Variants in GPC5 observed in about 807,000 individuals in gnomAD.
The protein encoded by GPC5 is glypican 5.
A neutral mutation model predicts 53.9 loss-of-function variants in GPC5; 47 were observed. The ratio of observed to expected loss-of-function variants is 0.87; its 90% CI spans 0.69 to 1.11. The LOEUF (loss-of-function observed/expected upper bound fraction) is 1.11, where lower values mean the gene tolerates loss of function less well. Ranked by LOEUF, GPC5 falls within the 50% of genes most tolerant of loss-of-function variation. GPC5 has a pLI of 0.00. For missense variants in GPC5, 748 were observed against 713.1 expected, an observed-to-expected ratio of 1.05 and a Z score of -0.56; for synonymous variants, 286 against 263.3, an observed-to-expected ratio of 1.09 and a Z score of -0.84.
At chr13:92,344,429 C>G (rs1205218293) in intron 7 of GPC5, among the ~76,000 whole-genome samples, 1 of 152,084 alleles carries the variant, frequency 6.6e-6, no homozygotes, top group East Asian at 1.9e-4. Flanking sequence ...ACCATATCAT[C>G]ATCTATCACT....
At chr13:92,761,051 G>T (rs1173369505) in intron 7 of GPC5, among the ~76,000 whole-genome samples, 1 of 152,034 alleles carries the variant, frequency 6.6e-6, no homozygotes, top group Non-Finnish European at 1.5e-5. Flanking sequence ...ATTATATAAG[G>T]GTTGTTTTGC....
intron 7 of GPC5, among the ~76,000 whole-genome samples, chr13:92,751,499 C>T (rs1325644796): frequency 1.3e-5 from 2 of 150,414 alleles, no homozygotes; most frequent in Non-Finnish European, 2.9e-5. Flanking sequence ...AGTTCATTAG[C>T]AGCAGCTGCA....
chr13:92,525,501 A>C (rs9584035), intron 7 of GPC5, among the ~76,000 whole-genome samples: 11,080 of 149,428 alleles, frequency 0.074, 1,246 homozygotes, highest in African/African-American at 0.24. Context: ...AAAAGCTTAG[A>C]AGATACTTTG....
intron 2 of GPC5, among the ~76,000 whole-genome samples, chr13:91,637,808 T>G (rs2034321119): frequency 6.6e-6 from 1 of 152,184 alleles, no homozygotes; most frequent in African/African-American, 2.4e-5. Flanking sequence ...GATGCCTAAA[T>G]TGGATTTTGT....
At position 91,912,427 on chromosome 13, in the gene GPC5, G is replaced by A. The variant is rs190661118; in HGVS notation, c.1401+4370G>A. Among the ~76,000 whole-genome samples, 604 of 152,018 alleles carry A rather than the reference G, an allele frequency of 4.0e-3. 7 individuals are homozygous for A. The highest frequency in any genetic ancestry group is 0.014 in the African/African-American group (583 of 41,486). On this transcript the variant is annotated intron_variant, in intron 6 of 7. Coordinates refer to ENST00000377067, the MANE Select transcript of GPC5 (RefSeq NM_004466.6). ...TTTTATTATTCTAGGAAATCTGATGGAAAAAGTGAAAAATAAATATTGATA... is the reference window on the plus strand; with the variant it reads ...TTTTATTATTCTAGGAAATCTGATGAAAAAAGTGAAAAATAAATATTGATA...
intron 7 of GPC5, among the ~76,000 whole-genome samples, chr13:92,739,143 T>C (rs936496568): frequency 7.2e-5 from 11 of 152,220 alleles, no homozygotes; most frequent in African/African-American, 2.4e-4. Flanking sequence ...TACAATGTCT[T>C]TCTTATTTAT....
intron 7 of GPC5, among the ~76,000 whole-genome samples, chr13:92,436,139 T>C (rs1297591162): frequency 6.6e-6 from 1 of 152,150 alleles, no homozygotes; most frequent in East Asian, 1.9e-4. Flanking sequence ...CATCCATTAA[T>C]GTTGATGGAA....
chr13:92,737,158 T>G (rs1349054194), intron 7 of GPC5, among the ~76,000 whole-genome samples: 1 of 152,076 alleles, frequency 6.6e-6, no homozygotes, highest in African/African-American at 2.4e-5. Context: ...TTACTGACAA[T>G]GTACAGACAG....
At chr13:92,437,263 A>C (rs1410834453) in intron 7 of GPC5, among the ~76,000 whole-genome samples, 2 of 152,186 alleles carry the variant, frequency 1.3e-5, no homozygotes, top group African/African-American at 4.8e-5. Context: ...ACTGAGTGAC[A>C]GATCTATCAT....
At chr13:92,728,465 T>C (rs2139296036) in intron 7 of GPC5, among the ~76,000 whole-genome samples, 1 of 151,544 alleles carries the variant, frequency 6.6e-6, no homozygotes, top group Non-Finnish European at 1.5e-5. Context: ...TTCAGAAGAA[T>C]AGATTTAAGC....
At chr13:92,120,119 A>T (rs1223534689) in intron 6 of GPC5, among the ~76,000 whole-genome samples, 4 of 152,218 alleles carry the variant, frequency 2.6e-5, no homozygotes, top group African/African-American at 9.6e-5. Flanking sequence ...AATTACTCAT[A>T]AGAGGGAAGT....
chr13:91,873,312 G>T (rs2039167599), intron 5 of GPC5, among the ~76,000 whole-genome samples: 1 of 152,076 alleles, frequency 6.6e-6, no homozygotes. Context: ...TCACCAAACT[G>T]GGGCAGGTTT....
At chr13:92,064,035 G>A (rs1279788039) in intron 6 of GPC5, among the ~76,000 whole-genome samples, 1 of 152,108 alleles carries the variant, frequency 6.6e-6, no homozygotes, top group East Asian at 1.9e-4. Flanking sequence ...ACCAGAAGAA[G>A]CATGCTCCAG....
chr13:92,616,586 T>TA (rs1265136800), intron 7 of GPC5, among the ~76,000 whole-genome samples: 1 of 152,198 alleles, frequency 6.6e-6, no homozygotes, highest in Non-Finnish European at 1.5e-5. Flanking sequence ...CTATAATATA[T>TA]TTTAGGAACC....
At chr13:92,060,648 G>T (rs1329610541) in intron 6 of GPC5, among the ~76,000 whole-genome samples, 1 of 152,020 alleles carries the variant, frequency 6.6e-6, no homozygotes, top group African/African-American at 2.4e-5. Flanking sequence ...CTATGAAATA[G>T]CTATCCAGGA....
chr13:92,848,015 A>C (rs1225017905), intron 7 of GPC5, among the ~76,000 whole-genome samples: 1 of 152,154 alleles, frequency 6.6e-6, no homozygotes, highest in Non-Finnish European at 1.5e-5. Context: ...GTGAGTCCCG[A>C]AGGCGACTCC....
chr13:92,232,617 G>A (rs1795269530), intron 7 of GPC5, among the ~76,000 whole-genome samples: 1 of 152,150 alleles, frequency 6.6e-6, no homozygotes, highest in Non-Finnish European at 1.5e-5. Context: ...CTAAAAGAAA[G>A]TGTTGAACTG....
chr13:91,835,133 G>T (rs1326598384), intron 5 of GPC5, among the ~76,000 whole-genome samples: 1 of 151,880 alleles, frequency 6.6e-6, no homozygotes, highest in Admixed American at 6.6e-5. Context: ...AGAAACATAT[G>T]AAATCTCATC....
At chr13:91,921,533 T>C (rs189372805) in intron 6 of GPC5, among the ~76,000 whole-genome samples, 3 of 152,288 alleles carry the variant, frequency 2.0e-5, no homozygotes, top group Non-Finnish European at 2.9e-5. Flanking sequence ...AATGGATAGA[T>C]ACTATGACAA....
Sources: allele counts gnomAD v4.1 joint callset (sites outside exome capture counted in the v4.1 genomes callset), GRCh38; gene constraint gnomAD v4.1.1; transcripts MANE v1.5; gene names NCBI Gene and HGNC (gene_info 2026-07-23, HGNC 2026-07-21).